Variants in DSCAM observed in about 807,000 individuals in gnomAD.
DSCAM encodes cell adhesion molecule DSCAM.
A neutral mutation model predicts 217.7 loss-of-function variants in DSCAM; 47 were observed. The ratio of observed to expected loss-of-function variants is 0.22; its 90% CI spans 0.17 to 0.28. The LOEUF is 0.28. Ranked by LOEUF, DSCAM falls within the 10% of genes least tolerant of loss-of-function variation. DSCAM has a pLI of 1.00. For missense variants in DSCAM, 2,080 were observed against 2,618.3 expected, an observed-to-expected ratio of 0.79 and a Z score of 4.49; for synonymous variants, 1,056 against 1,015.3, an observed-to-expected ratio of 1.04 and a Z score of -0.76.
At chr21:40,690,095 T>G (rs1240473947) in intron 3 of DSCAM, among the ~76,000 whole-genome samples, 1 of 152,184 alleles carries the variant, frequency 6.6e-6, no homozygotes, top group Non-Finnish European at 1.5e-5. Flanking sequence ...GAGAGAAATA[T>G]AACCCTTCTC....
chr21:40,158,356 C>G (rs555315590), intron 16 of DSCAM, among the ~76,000 whole-genome samples: 1 of 152,116 alleles, frequency 6.6e-6, no homozygotes, highest in Non-Finnish European at 1.5e-5. Flanking sequence ...TGCCACTACA[C>G]TGCATTCAGC....
chr21:40,305,157 A>C (rs1044543531), intron 9 of DSCAM, among the ~76,000 whole-genome samples: 16 of 152,130 alleles, frequency 1.1e-4, no homozygotes, highest in Non-Finnish European at 4.4e-5. Flanking sequence ...TGGGAGGCCA[A>C]GTGGGGTGCA....
At chr21:40,053,177 C>T (rs1452711695) in intron 29 of DSCAM, among the ~76,000 whole-genome samples, 2 of 152,210 alleles carry the variant, frequency 1.3e-5, no homozygotes, top group Non-Finnish European at 2.9e-5. Flanking sequence ...ATTACTCAGT[C>T]TCTGGCAGGA....
intron 11 of DSCAM, among the ~76,000 whole-genome samples, chr21:40,190,576 A>C (rs527530998): frequency 6.8e-4 from 103 of 152,350 alleles, no homozygotes; most frequent in Non-Finnish European, 1.1e-3. Flanking sequence ...GTAGAAAAAC[A>C]ATCTCTCCCC....
chr21:40,410,733 GTTGA>G (rs2075315144), intron 3 of DSCAM, among the ~76,000 whole-genome samples: 2 of 149,886 alleles, frequency 1.3e-5, no homozygotes, highest in African/African-American at 4.9e-5. Context: ...AAGAAAAACT[GTTGA>G]TATAGAATTC....
Position 40,072,716 on chromosome 21 carries a change from C to A in DSCAM, c.4888+2321G>T, listed in dbSNP as rs1194947071. Among the ~76,000 whole-genome samples, 4 of 152,256 alleles carry A rather than the reference C, an allele frequency of 2.6e-5. No homozygotes were observed. The South Asian group carries it at 6.2e-4, about 24-fold the overall frequency. ...TGTACAAAATGCCGAACTGCAGATACCTTTGTGCCATGGCAAGCTACTTTT... is the reference window on the plus strand; with the variant it reads ...TGTACAAAATGCCGAACTGCAGATAACTTTGTGCCATGGCAAGCTACTTTT... On this transcript the variant is annotated intron_variant, in intron 27 of 32. Coordinates refer to ENST00000400454, the MANE Select transcript of DSCAM (RefSeq NM_001389.5).
Position 40,342,648 on chromosome 21 carries a change from A to ATATTT in DSCAM, c.1211-3234_1211-3233insAAATA, listed in dbSNP as rs61637421. 2.7e-3 allele frequency among the ~76,000 whole-genome samples: 216 copies of ATATTT among 80,302 alleles called. 1 individual carries two copies. Among genetic ancestry groups the ATATTT allele is most frequent in the South Asian group, 0.016 (30 of 1,922 alleles). The allele number at this position is 80,302 out of a possible 152,430, so 52.7% of individuals were successfully genotyped here. On this transcript the variant is annotated intron_variant, in intron 6 of 32. Transcript: ENST00000400454. ...TGTGTATATATATATATATATATAT[A>ATATTT]TTTTTTTTTTTTTTTTGAGACAGTG...
chr21:40,824,183 C>T (rs1273324816), intron 1 of DSCAM, among the ~76,000 whole-genome samples: 1 of 152,056 alleles, frequency 6.6e-6, no homozygotes, highest in African/African-American at 2.4e-5. Context: ...GTCCTAGTGG[C>T]AGATCATCTC....
chr21:40,250,631 G>T (rs1243710944), intron 11 of DSCAM, among the ~76,000 whole-genome samples: 1 of 152,206 alleles, frequency 6.6e-6, no homozygotes, highest in African/African-American at 2.4e-5. Flanking sequence ...TCACTAATCT[G>T]TGAAAAGGCA....
intron 11 of DSCAM, among the ~76,000 whole-genome samples, chr21:40,229,231 G>A (rs1370736730): frequency 6.6e-6 from 1 of 152,156 alleles, no homozygotes; most frequent in African/African-American, 2.4e-5. Context: ...CATCTCCAAA[G>A]TTACTTAGGT....
chr21:40,411,480 A>T (rs772802411), intron 3 of DSCAM, among the ~76,000 whole-genome samples: 2 of 152,210 alleles, frequency 1.3e-5, no homozygotes, highest in African/African-American at 2.4e-5. Context: ...TAAAAAGCAA[A>T]TATTATCAGA....
chr21:40,013,545 A>G (rs905322273), intron 32 of DSCAM, among the ~76,000 whole-genome samples, 159 bp from the exon 33 acceptor site: 4 of 152,132 alleles, frequency 2.6e-5, no homozygotes, highest in African/African-American at 9.7e-5. Context: ...CACCACAAAG[A>G]CAGGTGGAAT....
intron 4 of DSCAM, among the ~76,000 whole-genome samples, chr21:40,359,840 G>A (rs532999753): frequency 3.2e-4 from 48 of 152,226 alleles, no homozygotes; most frequent in African/African-American, 1.1e-3. Context: ...TTTGGGTGGT[G>A]AAAATATTCT....
chr21:40,291,431 A>G (rs1351146093), intron 10 of DSCAM, among the ~76,000 whole-genome samples: 1 of 152,100 alleles, frequency 6.6e-6, no homozygotes, highest in African/African-American at 2.4e-5. Flanking sequence ...ATTGCTCACC[A>G]TACCCACTCC....
intron 1 of DSCAM, among the ~76,000 whole-genome samples, chr21:40,828,520 A>T (rs941806704): frequency 6.6e-6 from 1 of 152,062 alleles, no homozygotes; most frequent in Non-Finnish European, 1.5e-5. Flanking sequence ...CCCCTAGCCA[A>T]ATGGCACTCC....
At chr21:40,417,361 T>G (rs2075382112) in intron 3 of DSCAM, among the ~76,000 whole-genome samples, 1 of 152,280 alleles carries the variant, frequency 6.6e-6, no homozygotes, top group South Asian at 2.1e-4. Flanking sequence ...TTAATTCTTT[T>G]TGAGCAGAAA....
At chr21:40,841,605 C>G (rs1186312260) in intron 1 of DSCAM, among the ~76,000 whole-genome samples, 1 of 152,122 alleles carries the variant, frequency 6.6e-6, no homozygotes, top group East Asian at 1.9e-4. Flanking sequence ...GCCTTGCCTG[C>G]GGAGATTGAT....
At chr21:40,801,740 C>T (rs1317196141) in intron 1 of DSCAM, among the ~76,000 whole-genome samples, 1 of 152,144 alleles carries the variant, frequency 6.6e-6, no homozygotes, top group Non-Finnish European at 1.5e-5. Flanking sequence ...ATACATGTAG[C>T]GCTAATTCTG....
intron 11 of DSCAM, among the ~76,000 whole-genome samples, chr21:40,226,153 G>C (rs963677670): frequency 5.9e-5 from 9 of 152,168 alleles, no homozygotes; most frequent in Non-Finnish European, 1.3e-4. Flanking sequence ...TCGCAGAGCT[G>C]GGATACAAAG....
Sources: allele counts gnomAD v4.1 joint callset (sites outside exome capture counted in the v4.1 genomes callset), GRCh38; gene constraint gnomAD v4.1.1; transcripts MANE v1.5; gene names NCBI Gene and HGNC (gene_info 2026-07-23, HGNC 2026-07-21).